The following NOTCH1 variants were observed in gnomAD, a reference collection of about 807,000 sequenced individuals.
NOTCH1 encodes notch receptor 1, also known as neurogenic locus notch homolog protein 1.
In NOTCH1, 37 loss-of-function variants were observed where a neutral mutation model predicts 254.8. The ratio of observed to expected loss-of-function variants is 0.15; its 90% CI spans 0.11 to 0.19. The LOEUF is 0.19. Among genes scored for constraint, NOTCH1 ranks in the 10% least tolerant of loss-of-function variants. The pLI, the probability that NOTCH1 is intolerant of heterozygous loss-of-function variation, is 1.00. For synonymous variants in NOTCH1, 1,731 were observed against 1,618.1 expected, an observed-to-expected ratio of 1.07 and a Z score of -1.68; for missense variants, 2,972 against 3,708.6, an observed-to-expected ratio of 0.80 and a Z score of 5.16.
chr9:136,520,884 G>C (rs935690892), intron 4 of NOTCH1, among the ~76,000 whole-genome samples: 1 of 152,184 alleles, frequency 6.6e-6, no homozygotes, highest in Non-Finnish European at 1.5e-5. Context: ...GCACACAGTG[G>C]GGGAGAGGGC....
intron 5 of NOTCH1, among the ~76,000 whole-genome samples, chr9:136,519,149 A>G (rs548167538): frequency 6.6e-6 from 1 of 152,342 alleles, no homozygotes; most frequent in Admixed American, 6.5e-5. Flanking sequence ...TGGGGTGCTG[A>G]AGGCCCTCAA....
intron 4 of NOTCH1, among the ~76,000 whole-genome samples, chr9:136,520,128 G>A (rs1176141432): frequency 1.3e-5 from 2 of 152,156 alleles, no homozygotes; most frequent in African/African-American, 4.8e-5. Context: ...CTCCCCCGAG[G>A]TATGGCCCCA....
At position 136,544,252 on chromosome 9, in the gene NOTCH1, T is replaced by C. The variant is rs568950055; in HGVS notation, c.62-150A>G. 1.8e-4 allele frequency: 135 copies of C among 764,304 alleles called. No individual in the cohort carries two copies. The African/African-American group carries it at 2.0e-3, about 12-fold the overall frequency. The allele number at this position is 764,304 out of a possible 1,614,324, so 47.3% of individuals were successfully genotyped here. A position where few individuals can be genotyped will look rare whatever the true frequency, so the allele number is the denominator to read the frequency against. The stretch of plus-strand genomic sequence containing the variant: ...CACTCTGCTCAGTATCATGGGTTGC[T>C]GGGGCACGGGTCCGCAGGAAGCCCC... On this transcript the variant is annotated intron_variant, in intron 1 of 33. Coordinates refer to ENST00000651671, the MANE Select transcript of NOTCH1 (RefSeq NM_017617.5).
At chr9:136,516,754 G>C (rs1400791105) in intron 9 of NOTCH1, among the ~76,000 whole-genome samples, 1 of 152,168 alleles carries the variant, frequency 6.6e-6, no homozygotes, top group African/African-American at 2.4e-5. Context: ...CCAGATCAAG[G>C]AGGATCTCCT....
intron 2 of NOTCH1, among the ~76,000 whole-genome samples, chr9:136,534,673 T>C (rs1374048881): frequency 6.6e-6 from 1 of 152,042 alleles, no homozygotes; most frequent in Non-Finnish European, 1.5e-5. Flanking sequence ...CATCTGGGCC[T>C]GGCCTGATCC....
rs763412232 is a variant in NOTCH1, at chr9:136,503,263, C to T, written c.5086G>A (p.Ala1696Thr). ...VQASSQCFQS[A>T]TDVAAFLGAL... ...CCCAGGAATGCGGCCACGTCGGTGG[C>T]ACTCTGGAAGCACTGCGAGGAGGCC... The change falls in exon 27 of 34, where the codon GCC (alanine) becomes ACC (threonine). Residue 1696 changes from alanine to threonine, a missense_variant. Physicochemically the swap from Ala to Thr is moderately conservative, Grantham distance 58. Around this residue, in one of 8 missense-constraint regions of NOTCH1, gnomAD observed 421 missense variants for 604.4 expected, o/e 0.70. Transcript: ENST00000651671. The T allele has an allele frequency of 1.2e-6, 2 of 1,613,024 alleles. No homozygotes were observed. Among genetic ancestry groups the T allele is most frequent in the Non-Finnish European group, 1.7e-6 (2 of 1,179,994 alleles).
chr9:136,509,193 G>C (rs1483906226), intron 18 of NOTCH1, 122 bp from the exon 19 acceptor site: 1 of 1,009,742 alleles, frequency 9.9e-7, no homozygotes, highest in Non-Finnish European at 1.5e-6. Flanking sequence ...GGCCAGGACA[G>C]GCCCAGGGCA....
chr9:136,512,630 C>T (rs1843199085), intron 15 of NOTCH1, among the ~76,000 whole-genome samples: 2 of 152,190 alleles, frequency 1.3e-5, no homozygotes, highest in South Asian at 4.1e-4. Flanking sequence ...GCAGGGTGGG[C>T]GCCGGGAGCA....
intron 2 of NOTCH1, among the ~76,000 whole-genome samples, chr9:136,531,060 C>T (rs1204691807): frequency 6.6e-6 from 1 of 152,252 alleles, no homozygotes; most frequent in Non-Finnish European, 1.5e-5. Flanking sequence ...GCCAGCAGGG[C>T]AGTCGCCCGG....
In NOTCH1 at chr9:136,513,639, CCATCCACTCAGACTCG is replaced by C. The variant is rs1179616020; in HGVS notation, c.2208-118_2208-103del. The C allele has an allele frequency of 1.5e-6, 2 of 1,359,422 alleles. No homozygotes were observed. Among genetic ancestry groups the C allele is most frequent in the Admixed American group, 3.8e-5 (2 of 53,184 alleles). The allele number at this position is 1,359,422 out of a possible 1,614,324, so 84.2% of individuals were successfully genotyped here. On this transcript the variant is annotated intron_variant, in intron 13 of 33. Transcript: ENST00000651671. This position sits in a 1 kb window ranked among gnomAD's most constrained non-coding sequence, Gnocchi z 4.7. ...ATGCCCTATGGGCTGGCGGAGGTGC[CCATCCACTCAGACTCG>C]CAGAGTCCTTTAGTGGGGGCAGGCT... is the stretch of plus-strand genomic sequence containing the variant.
At position 136,503,302 on chromosome 9, in the gene NOTCH1, G is replaced by A. The variant is rs755746883; in HGVS notation, c.5047C>T (p.Arg1683Trp). 1.2e-6 allele frequency: 2 copies of A among 1,612,856 alleles called. No homozygotes were observed. Among genetic ancestry groups the A allele is most frequent in the African/African-American group, 1.3e-5 (1 of 74,936 alleles). Residue 1683 changes from arginine (R) to tryptophan (W), a missense_variant, in exon 27 of 34, where the codon CGG becomes TGG. Physicochemically the swap from Arg to Trp is moderately radical, Grantham distance 101. Transcript: ENST00000651671. ...TGCGAGGAGGCCTGCACACACTGCC[G>A]GTTGTCAATCTCCAGGTAGACGATG... ...GSIVYLEIDN[R>W]QCVQASSQCF...
intron 16 of NOTCH1, among the ~76,000 whole-genome samples, 167 bp downstream of exon 16, chr9:136,510,985 C>T (rs754901530): frequency 6.6e-6 from 1 of 152,218 alleles, no homozygotes; most frequent in Non-Finnish European, 1.5e-5. Flanking sequence ...GAGTTGGGAA[C>T]GGTGCTCCCA....
chr9:136,513,607 G>C lies in NOTCH1; in HGVS notation c.2208-70C>G, dbSNP rs1827921621. The stretch of plus-strand genomic sequence containing the variant: ...ACGGCCGGGGCCTGGGCACTCCCGG[G>C]TCTGCAATGCCCTATGGGCTGGCGG... On this transcript the variant is annotated intron_variant, in intron 13 of 33. Transcript: ENST00000651671. The surrounding 1 kb of genome is among the most constrained non-coding windows in gnomAD (Gnocchi z 4.7). 3 of 1,569,208 alleles carry C rather than the reference G, an allele frequency of 1.9e-6. No homozygotes were observed. The highest frequency in any genetic ancestry group is 2.2e-5 in the South Asian group (2 of 89,202).
In NOTCH1 at chr9:136,545,613, TC is replaced by T; in HGVS notation, c.61+112del. 1 of 827,312 alleles carries T rather than the reference TC, an allele frequency of 1.2e-6. No homozygotes were observed. 51.2% of individuals were successfully genotyped at this position (827,312 alleles called of 1,614,324 possible). On this transcript the variant is annotated intron_variant, in intron 1 of 33. Transcript: ENST00000651671. This position sits in a 1 kb window ranked among gnomAD's most constrained non-coding sequence, Gnocchi z 6.8. ...GCCCCGGGCCGCCCGCTTTTCCCTC[TC>T]CATGCTGGCCTCCCCGCCGCCCGCT...
chr9:136,515,760 G>C (rs748792940), intron 10 of NOTCH1, 44 bp from the exon 11 acceptor site: 1 of 1,505,318 alleles, frequency 6.6e-7, no homozygotes, highest in African/African-American at 1.4e-5. Flanking sequence ...TAGGACTGGC[G>C]GCCCCCGGGA....
chr9:136,544,048 G>A lies in NOTCH1; in HGVS notation c.116C>T (p.Ala39Val), dbSNP rs747994799. 10 of 1,576,256 alleles carry A rather than the reference G, an allele frequency of 6.3e-6. No individual in the cohort carries two copies. The highest frequency in any genetic ancestry group is 2.7e-5 in the African/African-American group (2 of 74,264). ...CACGCAGGCCTCCGTGCCATTGGCCGCTTCACACTTCCCGCCATTCAGGCA... is the reference window on the plus strand; with the variant it reads ...CACGCAGGCCTCCGTGCCATTGGCCACTTCACACTTCCCGCCATTCAGGCA... ...ETCLNGGKCE[A>V]ANGTEACVCG... Residue 39 changes from alanine to valine, a missense_variant, in exon 2 of 34, where the codon GCG (alanine) becomes GTG (valine). By Grantham distance (64) the Ala-to-Val change is moderately conservative (BLOSUM62 0). Around this residue, in one of 8 missense-constraint regions of NOTCH1, gnomAD observed 374 missense variants for 496.3 expected, o/e 0.75. Coordinates refer to ENST00000651671, the MANE Select transcript of NOTCH1 (RefSeq NM_017617.5).
At chr9:136,523,530 C>T (rs1843408950) in intron 3 of NOTCH1, among the ~76,000 whole-genome samples, 187 bp downstream of exon 3, 1 of 152,164 alleles carries the variant, frequency 6.6e-6, no homozygotes, top group African/African-American at 2.4e-5. Context: ...AGAGTTGGGC[C>T]AGAGCAAGCA....
rs1843085640 is a variant in NOTCH1 at position 136,506,417 on chromosome 9, G to A, written c.4014+110C>T. On this transcript the variant is annotated intron_variant, in intron 24 of 33. Coordinates refer to ENST00000651671, the MANE Select transcript of NOTCH1 (RefSeq NM_017617.5). The surrounding 1 kb of genome is among the most constrained non-coding windows in gnomAD (Gnocchi z 4.5). ...AAAAAAGACATCAGGGTGAGGAGGA[G>A]GATGAAGGCCGGGAGGATCACTGCC... The A allele has an allele frequency of 3.6e-6, 3 of 824,964 alleles. No individual in the cohort carries two copies. In the South Asian group the frequency reaches 4.6e-5, roughly 13 times the overall value. 51.1% of individuals were successfully genotyped at this position (824,964 alleles called of 1,614,324 possible).
In NOTCH1 at chr9:136,498,923, A is replaced by T. The variant is rs768912472; in HGVS notation, c.6156T>A (p.Ala2052=). The change falls in exon 33 of 34, where the codon GCT becomes GCA. Residue 2052 remains alanine, a synonymous_variant. Coordinates refer to ENST00000651671, the MANE Select transcript of NOTCH1 (RefSeq NM_017617.5). ...CCCTGTTGTTCTGCATATCTTTGTT[A>T]GCCCCGTTCTTCAGGAGCACAACTG... ...DAAVVLLKNG[A]NKDMQNNREE... The T allele has an allele frequency of 3.5e-5, 57 of 1,613,516 alleles. No individual in the cohort carries two copies. The highest frequency in any genetic ancestry group is 4.7e-5 in the Non-Finnish European group (55 of 1,179,994).
Sources: allele counts gnomAD v4.1 joint callset (sites outside exome capture counted in the v4.1 genomes callset), GRCh38; gene constraint gnomAD v4.1.1; regional missense constraint gnomAD v4.1.1; non-coding constraint Gnocchi (gnomAD v3.1); transcripts MANE v1.5; gene names NCBI Gene and HGNC (gene_info 2026-07-23, HGNC 2026-07-21).